The following NOL4 variants were observed in gnomAD, a reference collection of about 807,000 sequenced individuals.
NOL4 encodes the protein cancer/testis antigen 125.
In NOL4, 17 loss-of-function variants were observed where a neutral mutation model predicts 75.9. That is an observed-to-expected ratio of 0.22 (90% CI 0.15 to 0.34). The LOEUF (loss-of-function observed/expected upper bound fraction) is 0.34. Among genes scored for constraint, NOL4 ranks in the 10% least tolerant of loss-of-function variants. The pLI is 1.00. For missense variants in NOL4, 614 were observed against 793.5 expected, an observed-to-expected ratio of 0.77 and a Z score of 2.72; for synonymous variants, 292 against 289.9, an observed-to-expected ratio of 1.01 and a Z score of -0.07.
chr18:34,016,058 G>C (rs1256168780), intron 6 of NOL4, among the ~76,000 whole-genome samples: 2 of 151,986 alleles, frequency 1.3e-5, no homozygotes, highest in African/African-American at 4.8e-5. Flanking sequence ...ATATAGAAAG[G>C]TAAATATGCT....
At chr18:34,130,453 GAT>G (rs533931754) in intron 1 of NOL4, among the ~76,000 whole-genome samples, 188 of 151,998 alleles carry the variant, frequency 1.2e-3, no homozygotes, top group African/African-American at 4.3e-3. Flanking sequence ...TGAAAAAAAT[GAT>G]ACAGAGTTAT....
chr18:33,861,139 G>A (rs1321383622), intron 10 of NOL4, among the ~76,000 whole-genome samples: 2 of 152,090 alleles, frequency 1.3e-5, no homozygotes, highest in African/African-American at 4.8e-5. Context: ...CAGGATGATG[G>A]TGGCCTCATA....
chr18:34,092,040 C>A (rs2078546835), intron 5 of NOL4, among the ~76,000 whole-genome samples: 1 of 149,326 alleles, frequency 6.7e-6, no homozygotes, highest in Non-Finnish European at 1.5e-5. Flanking sequence ...TCTCTATACA[C>A]CCTCTACATT....
intron 9 of NOL4, among the ~76,000 whole-genome samples, chr18:33,909,779 C>T (rs1019405230): frequency 2.0e-4 from 31 of 151,794 alleles, no homozygotes; most frequent in African/African-American, 7.3e-4. Flanking sequence ...TCCCTGCCCT[C>T]ATGGGATTTC....
In NOL4 at chr18:34,019,379, T is replaced by G. The variant is rs761121162; in HGVS notation, c.995A>C (p.Tyr332Ser). 2.5e-6 allele frequency: 4 copies of G among 1,613,924 alleles called. No individual in the cohort carries two copies. Among genetic ancestry groups the G allele is most frequent in the Non-Finnish European group, 3.4e-6 (4 of 1,179,958 alleles). The change falls in exon 6 of 11, where the codon TAT (tyrosine) becomes TCT (serine). Residue 332 changes from tyrosine (Y) to serine (S), a missense_variant. Physicochemically the swap from Tyr to Ser is moderately radical, Grantham distance 144. Transcript: ENST00000261592. The stretch of plus-strand genomic sequence containing the variant: ...GAGGTCAGAAATTAGAAGATTCTTA[T>G]ACTTGTTTTTCCCATTACTGTTGTG... ...DDHNSNGKNK[Y>S]KNLLISDLKM...
At chr18:34,097,699 G>C (rs1344273307) in intron 4 of NOL4, among the ~76,000 whole-genome samples, 2 of 152,046 alleles carry the variant, frequency 1.3e-5, no homozygotes, top group Non-Finnish European at 2.9e-5. Flanking sequence ...TACCATCTTA[G>C]GCAGTGCATA....
At chr18:34,025,538 C>T (rs2075298083) in intron 5 of NOL4, among the ~76,000 whole-genome samples, 1 of 152,142 alleles carries the variant, frequency 6.6e-6, no homozygotes, top group South Asian at 2.1e-4. Context: ...CCTGCATGTT[C>T]TCTTTCCCCT....
At chr18:33,857,912 T>A (rs2062911324) in intron 10 of NOL4, among the ~76,000 whole-genome samples, 1 of 152,090 alleles carries the variant, frequency 6.6e-6, no homozygotes, top group African/African-American at 2.4e-5. Flanking sequence ...ATTGAATTAG[T>A]TTTTTTGCAA....
At chr18:34,087,440 T>A (rs2078293209) in intron 5 of NOL4, among the ~76,000 whole-genome samples, 1 of 152,098 alleles carries the variant, frequency 6.6e-6, no homozygotes, top group African/African-American at 2.4e-5. Flanking sequence ...ATCATTGCTA[T>A]CTGAAACAGA....
intron 10 of NOL4, among the ~76,000 whole-genome samples, chr18:33,863,484 T>C (rs1303192325): frequency 6.6e-6 from 1 of 152,188 alleles, no homozygotes; most frequent in African/African-American, 2.4e-5. Context: ...AATGCTTTCA[T>C]TCCAAATGGG....
intron 1 of NOL4, among the ~76,000 whole-genome samples, chr18:34,136,006 T>C (rs927089237): frequency 2.6e-5 from 4 of 152,106 alleles, no homozygotes; most frequent in African/African-American, 7.2e-5. Context: ...AGTAGGATTA[T>C]CCCAGGAATG....
chr18:34,024,194 A>AAAAATATATATATATATATATATATATAT, intron 5 of NOL4, among the ~76,000 whole-genome samples: 18 of 70,642 alleles, frequency 2.5e-4, no homozygotes, highest in Non-Finnish European at 3.5e-4. Flanking sequence ...AAAAAAAAAA[A>AAAAATATATATATATATATATATATATAT]ATATATATAT....
At chr18:33,884,692 A>G (rs2064529296) in intron 9 of NOL4, among the ~76,000 whole-genome samples, 1 of 151,956 alleles carries the variant, frequency 6.6e-6, no homozygotes, top group African/African-American at 2.4e-5. Flanking sequence ...TTTTGTCACA[A>G]TCAGAAGTAT....
chr18:34,195,234 A>T (rs1298652992), intron 1 of NOL4, among the ~76,000 whole-genome samples: 1 of 152,184 alleles, frequency 6.6e-6, no homozygotes, highest in Non-Finnish European at 1.5e-5. Context: ...TCAATTACAA[A>T]TAAAATTTTA....
At chr18:33,995,127 T>A (rs1476131555) in intron 6 of NOL4, among the ~76,000 whole-genome samples, 1 of 151,536 alleles carries the variant, frequency 6.6e-6, no homozygotes, top group Admixed American at 6.6e-5. Context: ...AGTCAAAAAC[T>A]ATTATAAAGA....
At chr18:34,068,932 CAAAA>C (rs902751280) in intron 5 of NOL4, among the ~76,000 whole-genome samples, 21 of 151,632 alleles carry the variant, frequency 1.4e-4, no homozygotes, top group African/African-American at 4.8e-4. Flanking sequence ...GGGAAATAAA[CAAAA>C]ACAATAAAAT....
rs1191284925 is a variant in NOL4 at position 33,890,800 on chromosome 18, A to G, written c.1543-7376T>C. On this transcript the variant is annotated intron_variant, in intron 9 of 10. Transcript: ENST00000261592. Reference sequence around the variant, plus strand: ...GTGTGTGTGCTAATACGCAGGTCAGAGGTAAATAATCACATTATTATAGTG... The same window carrying G: ...GTGTGTGTGCTAATACGCAGGTCAGGGGTAAATAATCACATTATTATAGTG... Among the ~76,000 whole-genome samples, 3 of 152,072 alleles carry G rather than the reference A, an allele frequency of 2.0e-5. No homozygotes were observed. The East Asian group carries it at 5.8e-4, about 29-fold the overall frequency.
intron 9 of NOL4, among the ~76,000 whole-genome samples, chr18:33,900,624 A>G (rs2065690140): frequency 6.6e-6 from 1 of 152,218 alleles, no homozygotes. Context: ...GGAAAAAAAG[A>G]TAAAACAGGT....
At chr18:34,222,919 G>T in intron 1 of NOL4, 71 bp downstream of exon 1, 2 of 1,557,518 alleles carry the variant, frequency 1.3e-6, no homozygotes, top group Non-Finnish European at 8.7e-7. Flanking sequence ...CCTCTCTCCC[G>T]CCTCTCTCCT....
Sources: allele counts gnomAD v4.1 joint callset (sites outside exome capture counted in the v4.1 genomes callset), GRCh38; gene constraint gnomAD v4.1.1; transcripts MANE v1.5; gene names NCBI Gene and HGNC (gene_info 2026-07-23, HGNC 2026-07-21).